Variants in EPB41L4B observed in about 807,000 individuals in gnomAD.
EPB41L4B encodes band 4.1-like protein 4B.
EPB41L4B carries 30 observed loss-of-function variants against 112.5 expected under a neutral mutation model. The observed-to-expected ratio is 0.27, with a 90% CI of 0.20 to 0.36. The LOEUF (loss-of-function observed/expected upper bound fraction) is 0.36, where lower values mean the gene tolerates loss of function less well. Among genes scored for constraint, EPB41L4B ranks in the 10% least tolerant of loss-of-function variants. The pLI is 1.00. For synonymous variants in EPB41L4B, 408 were observed against 439.7 expected, an observed-to-expected ratio of 0.93 and a Z score of 0.90; for missense variants, 1,024 against 1,133.3, an observed-to-expected ratio of 0.90 and a Z score of 1.38.
At position 109,261,351 on chromosome 9, in the gene EPB41L4B, T is replaced by C. The variant is rs113281296; in HGVS notation, c.631+1699A>G. On this transcript the variant is annotated intron_variant, in intron 6 of 25. Coordinates refer to ENST00000374566, the MANE Select transcript of EPB41L4B (RefSeq NM_019114.5). Reference sequence around the variant, plus strand: ...GTCTCTCCAATTTCAATAATTCAACTCACTCTGCACTTACCAAGCATCTAC... The same window carrying C: ...GTCTCTCCAATTTCAATAATTCAACCCACTCTGCACTTACCAAGCATCTAC... Among the ~76,000 whole-genome samples, 449 of 152,234 alleles carry C rather than the reference T, an allele frequency of 2.9e-3. 3 individuals are homozygous for C. The highest frequency in any genetic ancestry group is 0.01 in the African/African-American group (424 of 41,540).
At chr9:109,208,953 T>C (rs925912102) in intron 17 of EPB41L4B, among the ~76,000 whole-genome samples, 1 of 152,168 alleles carries the variant, frequency 6.6e-6, no homozygotes, top group African/African-American at 2.4e-5. Context: ...TATACAGTCA[T>C]TATTAGAAGA....
intron 15 of EPB41L4B, among the ~76,000 whole-genome samples, chr9:109,231,364 G>T (rs2118908339): frequency 6.6e-6 from 1 of 152,214 alleles, no homozygotes; most frequent in South Asian, 2.1e-4. Flanking sequence ...TTAGTTACCT[G>T]GAGCCAAAGA....
At chr9:109,195,658 G>A (rs1457147880) in intron 20 of EPB41L4B, among the ~76,000 whole-genome samples, 6 of 152,272 alleles carry the variant, frequency 3.9e-5, no homozygotes, top group East Asian at 1.9e-4. Flanking sequence ...GTTCAAGTTC[G>A]CAAAGCTAGT....
At chr9:109,216,141 C>A (rs1833358441) in intron 16 of EPB41L4B, among the ~76,000 whole-genome samples, 1 of 152,224 alleles carries the variant, frequency 6.6e-6, no homozygotes, top group Non-Finnish European at 1.5e-5. Flanking sequence ...AGCCATCACT[C>A]CCCTCCCCTC....
intron 1 of EPB41L4B, among the ~76,000 whole-genome samples, chr9:109,316,453 G>A (rs920888602): frequency 3.3e-5 from 5 of 152,326 alleles, no homozygotes; most frequent in Middle Eastern, 3.4e-3. Context: ...AGTGGGTGCC[G>A]CTGCCAAGCA....
intron 1 of EPB41L4B, among the ~76,000 whole-genome samples, chr9:109,303,261 AC>A (rs1234071448): frequency 6.6e-6 from 1 of 152,140 alleles, no homozygotes; most frequent in Admixed American, 6.5e-5. Context: ...TAAAAAAAAA[AC>A]AATTTTTAAA....
At chr9:109,314,825 C>T (rs1424105345) in intron 1 of EPB41L4B, among the ~76,000 whole-genome samples, 1 of 152,176 alleles carries the variant, frequency 6.6e-6, no homozygotes, top group Non-Finnish European at 1.5e-5. Flanking sequence ...ACCCAGAGCC[C>T]TGGGATAAGC....
In EPB41L4B at chr9:109,276,156, C is replaced by T. The variant is rs996520189; in HGVS notation, c.411+3661G>A. On this transcript the variant is annotated intron_variant, in intron 2 of 25. Coordinates refer to ENST00000374566, the MANE Select transcript of EPB41L4B (RefSeq NM_019114.5). ...TACATAATATATACGTGTGTGTATA[C>T]ACACACACACACACACACACACACA... is the stretch of plus-strand genomic sequence containing the variant. Among the ~76,000 whole-genome samples the T allele has an allele frequency of 9.5e-3, 4 of 422 alleles. No individual in the cohort carries two copies. The South Asian group carries it at 0.3, about 32-fold the overall frequency. The allele number at this position is 422 out of a possible 152,430, so 0.3% of individuals were successfully genotyped here.
rs550631906 is a variant in EPB41L4B at position 109,180,000 on chromosome 9, G to A, written c.2487+2729C>T. ...GTCCCTCAAAGATTTCCTGTTGCTC[G>A]TAGGATGGAGATCAGAATCCCTACT... On this transcript the variant is annotated intron_variant, in intron 24 of 25. Transcript: ENST00000374566. 1.3e-4 allele frequency among the ~76,000 whole-genome samples: 20 copies of A among 152,232 alleles called. No homozygotes were observed. In the South Asian group the frequency reaches 1.5e-3, roughly 11 times the overall value.
At chr9:109,255,439 C>A in intron 11 of EPB41L4B, 72 bp downstream of exon 11, 1 of 1,562,332 alleles carries the variant, frequency 6.4e-7, no homozygotes, top group Non-Finnish European at 8.7e-7. Context: ...CTACTCTATT[C>A]GCATACAAGA....
intron 22 of EPB41L4B, among the ~76,000 whole-genome samples, chr9:109,186,821 T>C (rs185135926): frequency 6.6e-6 from 1 of 152,278 alleles, no homozygotes; most frequent in African/African-American, 2.4e-5. Context: ...CTTGGCTCTT[T>C]GTTATCTGTG....
chr9:109,290,148 T>A (rs111992727), intron 1 of EPB41L4B, among the ~76,000 whole-genome samples: 2,084 of 152,284 alleles, frequency 0.014, 21 homozygotes, highest in Non-Finnish European at 0.02. Flanking sequence ...TGGAAACTAG[T>A]TCTACCACTT....
chr9:109,244,929 T>C (rs1834493357), intron 14 of EPB41L4B, among the ~76,000 whole-genome samples: 1 of 152,204 alleles, frequency 6.6e-6, no homozygotes, highest in African/African-American at 2.4e-5. Flanking sequence ...GTTCTGTTCG[T>C]TCCATTTTCA....
chr9:109,209,034 T>G (rs765563179), intron 17 of EPB41L4B, among the ~76,000 whole-genome samples: 3 of 152,152 alleles, frequency 2.0e-5, no homozygotes, highest in Non-Finnish European at 2.9e-5. Flanking sequence ...GGACTAAATG[T>G]GACATATCAG....
intron 1 of EPB41L4B, among the ~76,000 whole-genome samples, chr9:109,293,788 A>G (rs1034434910): frequency 1.8e-4 from 28 of 151,876 alleles, no homozygotes; most frequent in African/African-American, 5.3e-4. Flanking sequence ...ACGATATTGG[A>G]CTCTCTGAGG....
At chr9:109,266,988 AAAAAAG>A (rs1835429434) in intron 4 of EPB41L4B, among the ~76,000 whole-genome samples, 2 of 149,454 alleles carry the variant, frequency 1.3e-5, no homozygotes, top group Non-Finnish European at 3.0e-5. Flanking sequence ...AAAAAAAAAA[AAAAAAG>A]AAATTCAGGG....
Position 109,222,364 on chromosome 9 carries a change from G to A in EPB41L4B, c.1410-5219C>T, listed in dbSNP as rs570278976. 7.9e-5 allele frequency among the ~76,000 whole-genome samples: 12 copies of A among 152,316 alleles called. No individual in the cohort carries two copies. The South Asian group carries it at 2.3e-3, about 29-fold the overall frequency. ...GCTTTCTCAGCTCACACGCCTGGGG[G>A]ATCATCCTGAAGATTCTAACATGGA... On this transcript the variant is annotated intron_variant, in intron 15 of 25. Transcript: ENST00000374566.
At chr9:109,219,053 A>G (rs1833484860) in intron 15 of EPB41L4B, among the ~76,000 whole-genome samples, 3 of 151,624 alleles carry the variant, frequency 2.0e-5, no homozygotes, top group Admixed American at 1.3e-4. Flanking sequence ...CATTCGGGGG[A>G]AGACAGTTAG....
intron 2 of EPB41L4B, among the ~76,000 whole-genome samples, chr9:109,273,698 C>T (rs981254081): frequency 7.2e-5 from 11 of 152,140 alleles, no homozygotes; most frequent in African/African-American, 2.4e-4. Context: ...AGCACGGGCA[C>T]CTGAGCCTCA....
Sources: allele counts gnomAD v4.1 joint callset (sites outside exome capture counted in the v4.1 genomes callset), GRCh38; gene constraint gnomAD v4.1.1; transcripts MANE v1.5; gene names NCBI Gene and HGNC (gene_info 2026-07-23, HGNC 2026-07-21).